Variants in CHST11 observed in about 807,000 individuals in gnomAD.
The protein encoded by CHST11 is C4S-1.
Under a neutral mutation model 30.4 loss-of-function variants are expected in CHST11, and 9 were observed. The observed-to-expected ratio is 0.30, with a 90% confidence interval of 0.18 to 0.52. The LOEUF is 0.52. Ranked by LOEUF, CHST11 falls within the 20% of genes least tolerant of loss-of-function variation. The pLI is 0.97. For synonymous variants in CHST11, 152 were observed against 187.8 expected (o/e 0.81, Z 1.56); for missense variants, 348 against 460.6 (o/e 0.76, Z 2.24).
intron 2 of CHST11, among the ~76,000 whole-genome samples, chr12:104,703,648 C>T (rs1386711753): frequency 6.6e-6 from 1 of 151,482 alleles, no homozygotes; most frequent in Non-Finnish European, 1.5e-5. Context: ...CCTCCAAGGG[C>T]TCCCAGCTCA....
chr12:104,610,361 G>A (rs1350336378), intron 2 of CHST11, among the ~76,000 whole-genome samples: 1 of 152,152 alleles, frequency 6.6e-6, no homozygotes, highest in Non-Finnish European at 1.5e-5. Context: ...TCAGGATCAA[G>A]CCTAATTTGA....
intron 1 of CHST11, among the ~76,000 whole-genome samples, chr12:104,461,131 A>T (rs2037404145): frequency 6.6e-6 from 1 of 152,126 alleles, no homozygotes; most frequent in African/African-American, 2.4e-5. Flanking sequence ...TGCCTTCCTG[A>T]ACTGTGACAC....
intron 2 of CHST11, among the ~76,000 whole-genome samples, chr12:104,620,952 T>A (rs1243868601): frequency 6.6e-6 from 1 of 152,228 alleles, no homozygotes; most frequent in Admixed American, 6.5e-5. Context: ...CTTGTTAAGA[T>A]AAGTCTTTGC....
intron 2 of CHST11, among the ~76,000 whole-genome samples, chr12:104,637,091 C>G (rs1339221078): frequency 6.6e-6 from 1 of 151,418 alleles, no homozygotes; most frequent in African/African-American, 2.4e-5. Context: ...TTGCTTGATC[C>G]CAGGAGTTTG....
At chr12:104,550,880 A>C (rs545948397) in intron 1 of CHST11, among the ~76,000 whole-genome samples, 1 of 152,302 alleles carries the variant, frequency 6.6e-6, no homozygotes, top group East Asian at 1.9e-4. Context: ...TCACTCAGTG[A>C]TGTCCACGTC....
intron 2 of CHST11, among the ~76,000 whole-genome samples, chr12:104,751,263 G>A (rs886348126): frequency 6.6e-6 from 1 of 152,180 alleles, no homozygotes; most frequent in Non-Finnish European, 1.5e-5. Flanking sequence ...GGTGATGAGG[G>A]GGAGATCCCC....
At chr12:104,527,414 T>G (rs908943548) in intron 1 of CHST11, among the ~76,000 whole-genome samples, 1 of 152,208 alleles carries the variant, frequency 6.6e-6, no homozygotes, top group African/African-American at 2.4e-5. Context: ...GCTGTCTGCC[T>G]TTCTGACCTT....
intron 1 of CHST11, among the ~76,000 whole-genome samples, chr12:104,587,370 C>A (rs376969237): frequency 6.6e-6 from 1 of 152,066 alleles, no homozygotes; most frequent in South Asian, 2.1e-4. Context: ...CTTCATTTGC[C>A]CAATTAATGA....
At chr12:104,688,952 G>A (rs1329997634) in intron 2 of CHST11, among the ~76,000 whole-genome samples, 1 of 152,162 alleles carries the variant, frequency 6.6e-6, no homozygotes, top group African/African-American at 2.4e-5. Context: ...GCAAGAAGGA[G>A]CAAGAGGAGG....
At chr12:104,467,231 G>T (rs972127957) in intron 1 of CHST11, among the ~76,000 whole-genome samples, 1 of 152,184 alleles carries the variant, frequency 6.6e-6, no homozygotes, top group Non-Finnish European at 1.5e-5. Context: ...CATGTAATTT[G>T]ATATGACAGG....
At chr12:104,585,401 G>C (rs2038794100) in intron 1 of CHST11, among the ~76,000 whole-genome samples, 1 of 152,198 alleles carries the variant, frequency 6.6e-6, no homozygotes, top group Non-Finnish European at 1.5e-5. Flanking sequence ...ATTTGGGTTG[G>C]AATAGAAGAG....
intron 2 of CHST11, among the ~76,000 whole-genome samples, chr12:104,742,714 G>C (rs2040356817): frequency 6.6e-6 from 1 of 152,210 alleles, no homozygotes; most frequent in South Asian, 2.1e-4. Context: ...CTGGCTGAAA[G>C]GGAGCCCCGG....
chr12:104,670,579 TCACACTCATA>T (rs2039684769), intron 2 of CHST11, among the ~76,000 whole-genome samples: 1 of 138,886 alleles, frequency 7.2e-6, no homozygotes, highest in African/African-American at 2.8e-5. Flanking sequence ...ACACATGCAC[TCACACTCATA>T]CACACACTCC....
chr12:104,687,301 G>A (rs1323839147), intron 2 of CHST11, among the ~76,000 whole-genome samples: 2 of 152,224 alleles, frequency 1.3e-5, no homozygotes, highest in Non-Finnish European at 2.9e-5. Context: ...ATTCGTAAAA[G>A]CACCTTACAC....
intron 1 of CHST11, among the ~76,000 whole-genome samples, chr12:104,565,671 G>A (rs921342227): frequency 6.6e-6 from 1 of 152,116 alleles, no homozygotes; most frequent in Non-Finnish European, 1.5e-5. Context: ...TTCAGGCAGC[G>A]GGGCAGGGAG....
At chr12:104,561,828 G>C (rs1280952176) in intron 1 of CHST11, among the ~76,000 whole-genome samples, 1 of 149,540 alleles carries the variant, frequency 6.7e-6, no homozygotes, top group Non-Finnish European at 1.5e-5. Context: ...GTCTCACTCA[G>C]TCGCCAGGCT....
chr12:104,598,353 G>A (rs578128210), intron 1 of CHST11, among the ~76,000 whole-genome samples: 11 of 152,330 alleles, frequency 7.2e-5, no homozygotes, highest in Admixed American at 7.2e-4. Context: ...CCTTCGCACA[G>A]CATCAGCAGT....
At position 104,713,703 on chromosome 12, in the gene CHST11, G is replaced by A. The variant is rs183424660; in HGVS notation, c.205-43246G>A. The stretch of plus-strand genomic sequence containing the variant: ...TGACTCCTGAGGCCAGGTCCACACC[G>A]GGCTATGTGTTTCCTGATTTGAGGC... On this transcript the variant is annotated intron_variant, in intron 2 of 2. Transcript: ENST00000303694. Among the ~76,000 whole-genome samples the A allele has an allele frequency of 3.9e-3, 594 of 152,160 alleles. 2 individuals carry two copies. The highest frequency in any genetic ancestry group is 0.014 in the African/African-American group (576 of 41,500).
chr12:104,533,481 G>A (rs769446908), intron 1 of CHST11, among the ~76,000 whole-genome samples: 1 of 152,274 alleles, frequency 6.6e-6, no homozygotes, highest in South Asian at 2.1e-4. Flanking sequence ...ATATGACCAG[G>A]TGAAATGTAT....
Sources: gnomAD v4.1 joint callset for allele counts (sites outside exome capture counted in the v4.1 genomes callset) on GRCh38, gnomAD v4.1.1 for gene constraint, MANE v1.5 for transcripts, NCBI Gene and HGNC (gene_info 2026-07-23, HGNC 2026-07-21) for gene names.